The following NRXN1 variants were observed in gnomAD, a reference collection of about 807,000 sequenced individuals.
NRXN1 encodes neurexin 1.
A neutral mutation model predicts 150.9 loss-of-function variants in NRXN1; 39 were observed. The observed-to-expected ratio is 0.26, with a 90% CI of 0.20 to 0.34. The LOEUF (loss-of-function observed/expected upper bound fraction) is 0.34, where lower values mean the gene tolerates loss of function less well. Among genes scored for constraint, NRXN1 ranks in the 10% least tolerant of loss-of-function variants. The pLI is 1.00. For missense variants in NRXN1, 1,815 were observed against 1,949.9 expected, an observed-to-expected ratio of 0.93 and a Z score of 1.30; for synonymous variants, 924 against 757.0, an observed-to-expected ratio of 1.22 and a Z score of -3.62.
At chr2:50,693,932 T>C (rs997583035) in intron 5 of NRXN1, among the ~76,000 whole-genome samples, 2 of 152,090 alleles carry the variant, frequency 1.3e-5, no homozygotes, top group South Asian at 2.1e-4. Context: ...TCTGGAACTA[T>C]AGGTATCCAC....
chr2:50,597,958 G>C (rs1024003122), intron 8 of NRXN1, among the ~76,000 whole-genome samples: 2 of 152,062 alleles, frequency 1.3e-5, no homozygotes, highest in Non-Finnish European at 2.9e-5. Context: ...GGCCAATATG[G>C]TGAAACGTCA....
intron 22 of NRXN1, among the ~76,000 whole-genome samples, chr2:49,938,297 GATAGA>G (rs2104312721): frequency 6.6e-6 from 1 of 152,216 alleles, no homozygotes; most frequent in East Asian, 1.9e-4. Context: ...AAAATAATGA[GATAGA>G]ATAATGTTTG....
At chr2:50,379,920 G>T (rs951099641) in intron 17 of NRXN1, among the ~76,000 whole-genome samples, 4 of 152,008 alleles carry the variant, frequency 2.6e-5, no homozygotes, top group Admixed American at 6.6e-5. Context: ...ATAAGATTAT[G>T]TTCCCAGTAA....
intron 17 of NRXN1, among the ~76,000 whole-genome samples, chr2:50,369,207 C>T (rs1300321858): frequency 6.6e-6 from 1 of 151,874 alleles, no homozygotes; most frequent in African/African-American, 2.4e-5. Context: ...AGAAAAATCA[C>T]AGCAACTGCA....
intron 17 of NRXN1, among the ~76,000 whole-genome samples, chr2:50,450,666 T>A (rs2104528972): frequency 6.6e-6 from 1 of 152,286 alleles, no homozygotes; most frequent in Non-Finnish European, 1.5e-5. Flanking sequence ...TCTTTTCTCA[T>A]AAGTTATCCT....
At chr2:50,666,063 A>G (rs1040345258) in intron 5 of NRXN1, among the ~76,000 whole-genome samples, 2 of 151,922 alleles carry the variant, frequency 1.3e-5, no homozygotes, top group African/African-American at 4.8e-5. Flanking sequence ...CCTTCCACCG[A>G]TTCTCCTGGT....
rs765200132 is a variant in NRXN1, at chr2:50,091,394, C to T, written c.3647G>A (p.Arg1216His). Residue 1216 changes from arginine to histidine, a missense_variant, in exon 19 of 23, where the codon CGT becomes CAT. This residue lies in a region of NRXN1 where 339 missense variants were observed against 440.3 expected (regional missense o/e 0.77). Transcript: ENST00000401669. ...IINDGKYHVV[R>H]FTRSGGNATL... ...GGCATTGCCACCACTCCTCGTGAAA[C>T]GAACTACATGGTATTTCCCATCATT... 11 of 1,614,076 alleles carry T rather than the reference C, an allele frequency of 6.8e-6. No homozygotes were observed. The highest frequency in any genetic ancestry group is 7.6e-6 in the Non-Finnish European group (9 of 1,180,048).
At chr2:50,634,776 G>A (rs1352180830) in intron 5 of NRXN1, among the ~76,000 whole-genome samples, 1 of 152,022 alleles carries the variant, frequency 6.6e-6, no homozygotes, top group African/African-American at 2.4e-5. Flanking sequence ...CAGTTTATTG[G>A]GAAGGAGCTG....
intron 2 of NRXN1, among the ~76,000 whole-genome samples, chr2:50,940,880 A>C (rs960372400): frequency 2.6e-5 from 4 of 152,184 alleles, no homozygotes; most frequent in Admixed American, 6.6e-5. Flanking sequence ...AATTACAAAA[A>C]AGAAAATCAA....
At chr2:50,390,074 A>G (rs10210660) in intron 17 of NRXN1, among the ~76,000 whole-genome samples, 36,578 of 152,166 alleles carry the variant, frequency 0.24, 4,774 homozygotes, top group East Asian at 0.45. Context: ...ATTAGACTGT[A>G]TTGAGTATCA....
At chr2:50,813,779 G>A (rs772481859) in intron 5 of NRXN1, among the ~76,000 whole-genome samples, 5 of 152,004 alleles carry the variant, frequency 3.3e-5, no homozygotes, top group Non-Finnish European at 5.9e-5. Context: ...CCATCTTCCC[G>A]CCACAATCTC....
chr2:49,969,760 T>C (rs1677624510), intron 21 of NRXN1: 1 of 152,078 alleles, frequency 6.6e-6, no homozygotes, highest in South Asian at 2.1e-4. Context: ...CGTAGACTGA[T>C]ATACTCCTGT....
chr2:50,708,662 A>G (rs1694756751), intron 5 of NRXN1, among the ~76,000 whole-genome samples: 1 of 152,138 alleles, frequency 6.6e-6, no homozygotes, highest in Non-Finnish European at 1.5e-5. Flanking sequence ...ACAACCCAAT[A>G]AAGTGTGATG....
intron 5 of NRXN1, among the ~76,000 whole-genome samples, chr2:50,914,412 C>T (rs1307388587): frequency 6.6e-6 from 1 of 151,684 alleles, no homozygotes; most frequent in Non-Finnish European, 1.5e-5. Flanking sequence ...ATGAATCATG[C>T]TATTCAGAAG....
chr2:50,851,950 T>C (rs1161264830), intron 5 of NRXN1, among the ~76,000 whole-genome samples: 1 of 152,192 alleles, frequency 6.6e-6, no homozygotes, highest in Non-Finnish European at 1.5e-5. Context: ...TTTGTTTTTA[T>C]AGGCAGTAAC....
chr2:50,530,038 TC>T (rs904678488), intron 11 of NRXN1, among the ~76,000 whole-genome samples: 5 of 152,200 alleles, frequency 3.3e-5, no homozygotes, highest in African/African-American at 1.2e-4. Flanking sequence ...ATTTTATTAC[TC>T]CTTTTTTGGG....
intron 18 of NRXN1, among the ~76,000 whole-genome samples, chr2:50,199,829 T>C (rs536797472): frequency 1.1e-4 from 16 of 152,296 alleles, no homozygotes; most frequent in Admixed American, 2.6e-4. Flanking sequence ...CCTGCAAGGC[T>C]GCATGAAATA....
intron 5 of NRXN1, among the ~76,000 whole-genome samples, chr2:50,898,176 C>T (rs1424305551): frequency 1.3e-5 from 2 of 152,038 alleles, no homozygotes; most frequent in African/African-American, 2.4e-5. Flanking sequence ...AACTTTATGT[C>T]ACTGTTTCTT....
chr2:50,282,044 T>C (rs556919156), intron 17 of NRXN1, among the ~76,000 whole-genome samples: 8 of 152,338 alleles, frequency 5.3e-5, no homozygotes, highest in African/African-American at 1.2e-4. Flanking sequence ...GTATGAGGCA[T>C]TGATACATTT....
Sources: allele counts gnomAD v4.1 joint callset (sites outside exome capture counted in the v4.1 genomes callset), GRCh38; gene constraint gnomAD v4.1.1; regional missense constraint gnomAD v4.1.1; transcripts MANE v1.5; gene names NCBI Gene and HGNC (gene_info 2026-07-23, HGNC 2026-07-21).